Variants in PBX1 observed in about 807,000 individuals in gnomAD.
The protein encoded by PBX1 is pre-B-cell leukemia transcription factor 1.
PBX1 carries 6 observed loss-of-function variants against 53.4 expected under a neutral mutation model. The ratio of observed to expected loss-of-function variants is 0.11; its 90% CI spans 0.06 to 0.22. The LOEUF is 0.22. PBX1 is among the 10% of genes least tolerant of loss of function. PBX1 has a pLI of 1.00. For synonymous variants in PBX1, 204 were observed against 212.3 expected, an observed-to-expected ratio of 0.96 and a Z score of 0.34; for missense variants, 251 against 551.4, an observed-to-expected ratio of 0.46 and a Z score of 5.46.
intron 2 of PBX1, among the ~76,000 whole-genome samples, chr1:164,672,872 A>G (rs533534706): frequency 6.6e-6 from 1 of 152,148 alleles, no homozygotes; most frequent in East Asian, 1.9e-4. Flanking sequence ...CATCTGGTAA[A>G]TATGTAACCA....
intron 8 of PBX1, among the ~76,000 whole-genome samples, chr1:164,844,281 C>A (rs1051242419): frequency 6.6e-6 from 1 of 151,954 alleles, no homozygotes; most frequent in Non-Finnish European, 1.5e-5. Context: ...TTTCTTATCT[C>A]GGGAACCTGC....
intron 2 of PBX1, among the ~76,000 whole-genome samples, chr1:164,880,032 T>A (rs745485904): frequency 6.6e-6 from 1 of 152,182 alleles, no homozygotes; most frequent in African/African-American, 2.4e-5. Context: ...CCGTTGTGCC[T>A]CTCTGGCAGT....
intron 2 of PBX1, among the ~76,000 whole-genome samples, chr1:164,686,785 C>T (rs948791249): frequency 3.3e-5 from 5 of 151,830 alleles, no homozygotes; most frequent in East Asian, 1.9e-4. Context: ...GATGAAACCC[C>T]GTCTCTACTA....
At chr1:164,868,118 G>C (rs1233390158) in intron 2 of PBX1, among the ~76,000 whole-genome samples, 1 of 152,096 alleles carries the variant, frequency 6.6e-6, no homozygotes, top group Admixed American at 6.5e-5. Flanking sequence ...AAAATAGAGC[G>C]GCTCACTGCT....
chr1:164,619,467 C>T (rs567721244), intron 2 of PBX1, among the ~76,000 whole-genome samples: 205 of 152,146 alleles, frequency 1.3e-3, no homozygotes, highest in Non-Finnish European at 2.6e-3. Flanking sequence ...GTGAGGGGAT[C>T]GGTGGGGAGT....
intron 8 of PBX1, 125 bp downstream of exon 8, chr1:164,821,751 C>A: frequency 1.3e-6 from 1 of 762,740 alleles, no homozygotes; most frequent in Admixed American, 2.1e-5. Flanking sequence ...CACCTAGTTT[C>A]TTGTTTCTGT....
At position 164,567,885 on chromosome 1, in the gene PBX1, G is replaced by A. The variant is rs138256453; in HGVS notation, c.265+4574G>A. On this transcript the variant is annotated intron_variant, in intron 2 of 8. Transcript: ENST00000420696. ...GGTTATACTGAAGGATCTGGAAGGGGATTTATAAGCGGGGAAACATAGAAC... is the reference window on the plus strand; with the variant it reads ...GGTTATACTGAAGGATCTGGAAGGGAATTTATAAGCGGGGAAACATAGAAC... Among the ~76,000 whole-genome samples the A allele has an allele frequency of 3.9e-3, 599 of 152,262 alleles. 9 individuals carry two copies. The highest frequency in any genetic ancestry group is 5.2e-3 in the Non-Finnish European group (351 of 68,016).
chr1:164,837,095 T>G (rs529960825), intron 8 of PBX1, among the ~76,000 whole-genome samples: 1 of 152,186 alleles, frequency 6.6e-6, no homozygotes, highest in Non-Finnish European at 1.5e-5. Context: ...TAGCTTCCTG[T>G]GTGATGGTAA....
At chr1:164,623,891 A>G (rs984832480) in intron 2 of PBX1, among the ~76,000 whole-genome samples, 24 of 152,152 alleles carry the variant, frequency 1.6e-4, no homozygotes, top group Non-Finnish European at 2.6e-4. Flanking sequence ...ATGGACTGTG[A>G]CAACAAGTTG....
chr1:164,871,677 C>G (rs1448884910), intron 2 of PBX1, among the ~76,000 whole-genome samples: 1 of 152,064 alleles, frequency 6.6e-6, no homozygotes, highest in Non-Finnish European at 1.5e-5. Context: ...ATCTGCATCC[C>G]CTGGGAACCT....
chr1:164,799,656 G>T (rs1274365450), intron 3 of PBX1, 43 bp from the exon 4 acceptor site: 3 of 1,580,160 alleles, frequency 1.9e-6, no homozygotes, highest in Non-Finnish European at 2.6e-6. Flanking sequence ...GCGTGTTGAG[G>T]CTTGGACCCT....
At chr1:164,855,789 C>T (rs1310576923), downstream of PBX1, among the ~76,000 whole-genome samples, 2 of 152,220 alleles carry the variant, frequency 1.3e-5, no homozygotes, top group Non-Finnish European at 1.5e-5. Context: ...TAATTTTGCA[C>T]TCTGCTTCCT....
chr1:164,869,108 A>C (rs1672288582), intron 2 of PBX1, among the ~76,000 whole-genome samples: 1 of 152,222 alleles, frequency 6.6e-6, no homozygotes, highest in African/African-American at 2.4e-5. Context: ...CCACGCTGCA[A>C]TCAGCCCAGG....
intron 5 of PBX1, among the ~76,000 whole-genome samples, chr1:164,811,094 T>A (rs1669586487): frequency 6.6e-6 from 1 of 152,210 alleles, no homozygotes; most frequent in Non-Finnish European, 1.5e-5. Context: ...GTTTGTTTTG[T>A]AATTATATAA....
At chr1:164,626,324 A>T (rs540686366) in intron 2 of PBX1, among the ~76,000 whole-genome samples, 61 of 152,198 alleles carry the variant, frequency 4.0e-4, no homozygotes, top group African/African-American at 1.3e-3. Context: ...TTCCTATTCC[A>T]TTGCCCTTTA....
At chr1:164,622,367 TG>T (rs1657738291) in intron 2 of PBX1, among the ~76,000 whole-genome samples, 2 of 152,320 alleles carry the variant, frequency 1.3e-5, no homozygotes, top group South Asian at 4.1e-4. Context: ...AGAATCTCTG[TG>T]CTGAAAGACT....
At chr1:164,658,169 A>C (rs1230007127) in intron 2 of PBX1, among the ~76,000 whole-genome samples, 1 of 89,942 alleles carries the variant, frequency 1.1e-5, no homozygotes, top group Non-Finnish European at 2.3e-5. Context: ...TGAGGTACAA[A>C]AAAAAAAAAA....
At chr1:164,756,434 C>T (rs769817626) in intron 2 of PBX1, among the ~76,000 whole-genome samples, 3 of 152,074 alleles carry the variant, frequency 2.0e-5, no homozygotes, top group East Asian at 3.8e-4. Flanking sequence ...ATAATTTACA[C>T]GTTTGTACAC....
At chr1:164,826,142 A>T (rs922935943) in intron 8 of PBX1, among the ~76,000 whole-genome samples, 2 of 152,212 alleles carry the variant, frequency 1.3e-5, no homozygotes, top group African/African-American at 4.8e-5. Context: ...CAACAGCTCT[A>T]GAATTCTACA....
Sources: allele counts gnomAD v4.1 joint callset (sites outside exome capture counted in the v4.1 genomes callset), GRCh38; gene constraint gnomAD v4.1.1; transcripts MANE v1.5; gene names NCBI Gene and HGNC (gene_info 2026-07-23, HGNC 2026-07-21).